The following SHTN1 variants were observed in gnomAD, a reference collection of about 807,000 sequenced individuals.
SHTN1 encodes shootin 1, also known as shootin-1.
Under a neutral mutation model 83.1 loss-of-function variants are expected in SHTN1, and 42 were observed. The ratio of observed to expected loss-of-function variants is 0.51; its 90% CI spans 0.39 to 0.65. The LOEUF (loss-of-function observed/expected upper bound fraction) is 0.65. Among genes scored for constraint, SHTN1 ranks in the 30% least tolerant of loss-of-function variants. SHTN1 has a pLI of 0.00. For synonymous variants in SHTN1, 224 were observed against 247.7 expected (o/e 0.90, Z 0.90); for missense variants, 622 against 737.8 (o/e 0.84, Z 1.82).
intron 1 of SHTN1, among the ~76,000 whole-genome samples, chr10:117,078,542 G>T (rs377156252): frequency 3.3e-5 from 5 of 152,324 alleles, no homozygotes; most frequent in Admixed American, 6.5e-5. Flanking sequence ...CCATGCAGAT[G>T]CTCCTGATGT....
chr10:117,084,000 A>G (rs1408348651), intron 1 of SHTN1, among the ~76,000 whole-genome samples: 9 of 151,938 alleles, frequency 5.9e-5, no homozygotes, highest in East Asian at 3.9e-4. Context: ...ATGTCCTCCC[A>G]TAGCTCAGAG....
intron 1 of SHTN1, among the ~76,000 whole-genome samples, chr10:117,098,989 C>CAAAGAT (rs61144073): frequency 0.97 from 145,477 of 150,178 alleles, 70,641 homozygotes; most frequent in Non-Finnish European, 1. Flanking sequence ...TAATGTTCCA[C>CAAAGAT]AAAGAAAATG....
At position 117,005,118 on chromosome 10, in the gene SHTN1, G is replaced by A. The variant is rs1335913183; in HGVS notation, c.-39C>T. 3.8e-6 allele frequency: 6 copies of A among 1,570,910 alleles called. No individual in the cohort carries two copies. The highest frequency in any genetic ancestry group is 2.3e-5 in the East Asian group (1 of 43,438). On this transcript the variant is annotated 5_prime_UTR_variant, in exon 1 of 17. Transcript: ENST00000355371. The stretch of plus-strand genomic sequence containing the variant: ...GCCGGGAATAAAAGGGAAAGAGGGA[G>A]CGGCGCGGGGCACACAGGAGGAGGG...
chr10:116,895,098 G>A (rs985760394), intron 16 of SHTN1, among the ~76,000 whole-genome samples: 5 of 152,126 alleles, frequency 3.3e-5, no homozygotes, highest in African/African-American at 1.2e-4. Flanking sequence ...ATAATAAAAT[G>A]TATTTGGTGC....
intron 1 of SHTN1, among the ~76,000 whole-genome samples, chr10:116,993,017 C>CT (rs35364697): frequency 0.89 from 108,057 of 121,128 alleles, 49,140 homozygotes; most frequent in Middle Eastern, 0.96. Context: ...TCTTTTTTTT[C>CT]TTTTTTTTTT....
intron 3 of SHTN1, among the ~76,000 whole-genome samples, chr10:116,965,021 A>C (rs1020131785): frequency 6.6e-6 from 1 of 152,344 alleles, no homozygotes; most frequent in Non-Finnish European, 1.5e-5. Context: ...GTTACCTTTC[A>C]CAGGAATCCG....
At position 116,906,870 on chromosome 10, in the gene SHTN1, T is replaced by G. The variant is rs538588128; in HGVS notation, c.1360-123A>C. On this transcript the variant is annotated intron_variant, in intron 14 of 16. Transcript: ENST00000355371. ...AATGGAATTATGAAACAAAATGAAT[T>G]TGCTATATATTAATATTTTTTAAAT... The G allele has an allele frequency of 1.2e-5, 9 of 754,030 alleles. No individual in the cohort carries two copies. The African/African-American group carries it at 1.6e-4, about 14-fold the overall frequency. The allele number at this position is 754,030 out of a possible 1,614,324, so 46.7% of individuals were successfully genotyped here.
At chr10:117,112,411 C>A (rs1258081694) in intron 1 of SHTN1, among the ~76,000 whole-genome samples, 3 of 152,168 alleles carry the variant, frequency 2.0e-5, no homozygotes, top group Non-Finnish European at 2.9e-5. Context: ...CTTTTCCTCC[C>A]ACCACCAATA....
chr10:116,980,857 C>T (rs1005450558), intron 1 of SHTN1, among the ~76,000 whole-genome samples: 1 of 152,034 alleles, frequency 6.6e-6, no homozygotes, highest in African/African-American at 2.4e-5. Context: ...TTTAAATTGG[C>T]GAATATTTAT....
chr10:116,881,596 G>A lies in SHTN1; in HGVS notation c.*4748C>T. ...GAGGCACTTGAGGCTGCTGCGGCTA[G>A]GGAGCCGCTGGTGCCCACCTTCCCC... is the stretch of plus-strand genomic sequence containing the variant. On this transcript the variant is annotated 3_prime_UTR_variant, in exon 17 of 17. Transcript: ENST00000355371. 6.5e-7 allele frequency: 1 copy of A among 1,550,384 alleles called. No individual in the cohort carries two copies. The highest frequency in any genetic ancestry group is 8.7e-7 in the Non-Finnish European group (1 of 1,146,878).
chr10:116,906,527 T>A (rs1312218058), intron 15 of SHTN1, 100 bp downstream of exon 15: 12 of 1,230,104 alleles, frequency 9.8e-6, no homozygotes, highest in Non-Finnish European at 1.3e-5. Context: ...ACAAATATTT[T>A]AATAATACTT....
intron 15 of SHTN1, among the ~76,000 whole-genome samples, chr10:116,902,393 T>C (rs576355947): frequency 1.3e-5 from 2 of 152,340 alleles, no homozygotes; most frequent in Admixed American, 1.3e-4. Context: ...AAAAGGCTCA[T>C]GAAGGCTTCT....
intron 1 of SHTN1, among the ~76,000 whole-genome samples, chr10:117,104,465 T>G (rs759501958): frequency 1.3e-5 from 2 of 152,186 alleles, no homozygotes; most frequent in Non-Finnish European, 2.9e-5. Flanking sequence ...ATAATTGCAT[T>G]CCAGGACAGA....
intron 1 of SHTN1, among the ~76,000 whole-genome samples, chr10:117,063,515 T>A (rs1176192620): frequency 6.6e-6 from 1 of 152,210 alleles, no homozygotes; most frequent in Non-Finnish European, 1.5e-5. Context: ...CTAGTACATG[T>A]GTTAGCCAAT....
At chr10:116,955,980 T>C (rs1017912620) in intron 4 of SHTN1, among the ~76,000 whole-genome samples, 1 of 152,234 alleles carries the variant, frequency 6.6e-6, no homozygotes, top group Non-Finnish European at 1.5e-5. Context: ...CTTTAAACCA[T>C]GAATGCTACA....
chr10:117,074,111 T>C (rs570800941), intron 1 of SHTN1, among the ~76,000 whole-genome samples: 1 of 152,306 alleles, frequency 6.6e-6, no homozygotes, highest in East Asian at 1.9e-4. Context: ...TAGCTAAATT[T>C]AGCTAATTCT....
At chr10:117,098,247 A>T (rs1052213089) in intron 1 of SHTN1, among the ~76,000 whole-genome samples, 6 of 112,862 alleles carry the variant, frequency 5.3e-5, no homozygotes, top group African/African-American at 1.8e-4. Context: ...AAAAAAAAAA[A>T]TTAGCCAGAC....
intron 1 of SHTN1, among the ~76,000 whole-genome samples, chr10:117,054,027 A>G (rs970747066): frequency 7.9e-5 from 12 of 152,202 alleles, no homozygotes; most frequent in African/African-American, 2.9e-4. Flanking sequence ...ATTCACATAA[A>G]ATATCGAGTA....
intron 5 of SHTN1, among the ~76,000 whole-genome samples, chr10:116,953,186 G>C (rs1026641798): frequency 6.6e-6 from 1 of 152,182 alleles, no homozygotes; most frequent in Non-Finnish European, 1.5e-5. Context: ...TACTGAGCCA[G>C]AACTGCTTTC....
Sources: gnomAD v4.1 joint callset for allele counts (sites outside exome capture counted in the v4.1 genomes callset) on GRCh38, gnomAD v4.1.1 for gene constraint, MANE v1.5 for transcripts, NCBI Gene and HGNC (gene_info 2026-07-23, HGNC 2026-07-21) for gene names.